The following RBPJ variants were observed in gnomAD, a reference collection of about 807,000 sequenced individuals.
RBPJ encodes the protein recombination signal binding protein for immunoglobulin kappa J region.
In RBPJ, 9 loss-of-function variants were observed where a neutral mutation model predicts 67.8. The observed-to-expected ratio is 0.13, with a 90% CI of 0.08 to 0.23. The LOEUF (loss-of-function observed/expected upper bound fraction) is 0.23. RBPJ is among the 10% of genes least tolerant of loss of function. RBPJ has a pLI of 1.00. For missense variants in RBPJ, 305 were observed against 595.6 expected, an observed-to-expected ratio of 0.51 and a Z score of 5.08; for synonymous variants, 198 against 203.3, an observed-to-expected ratio of 0.97 and a Z score of 0.22.
intron 1 of RBPJ, among the ~76,000 whole-genome samples, chr4:26,281,276 G>C (rs533749337): frequency 7.2e-5 from 11 of 152,030 alleles, no homozygotes; most frequent in Non-Finnish European, 1.0e-4. Context: ...CAGTTTTTTT[G>C]TTTGTTTGTT....
chr4:26,390,477 T>C (rs1731387946), intron 2 of RBPJ, among the ~76,000 whole-genome samples: 2 of 152,206 alleles, frequency 1.3e-5, no homozygotes, highest in South Asian at 4.1e-4. Flanking sequence ...GATATCATGA[T>C]CATATGTATA....
intron 3 of RBPJ, among the ~76,000 whole-genome samples, chr4:26,412,766 C>T (rs1734173676): frequency 6.6e-6 from 1 of 152,120 alleles, no homozygotes; most frequent in South Asian, 2.1e-4. Context: ...AAATTGATGC[C>T]TTCTCAACCT....
chr4:26,340,686 C>T lies in RBPJ; in HGVS notation c.20+19638C>T, dbSNP rs548542860. On this transcript the variant is annotated intron_variant, in intron 1 of 10. Transcript: ENST00000355476. Reference sequence around the variant, plus strand: ...CATCTTGGCCAACATGGTGAAACCCCGTCTCTACTAAAAATATAATAAATT... The same window carrying T: ...CATCTTGGCCAACATGGTGAAACCCTGTCTCTACTAAAAATATAATAAATT... 3.5e-3 allele frequency among the ~76,000 whole-genome samples: 534 copies of T among 151,878 alleles called. 1 individual carries two copies. Among genetic ancestry groups the T allele is most frequent in the Non-Finnish European group, 6.0e-3 (406 of 67,946 alleles).
chr4:26,389,895 A>G (rs1242098392), intron 2 of RBPJ, among the ~76,000 whole-genome samples: 1 of 152,050 alleles, frequency 6.6e-6, no homozygotes, highest in Non-Finnish European at 1.5e-5. Flanking sequence ...TTCCATACAT[A>G]CTCTTTCAGA....
At chr4:26,359,885 G>A (rs1286965490) in intron 1 of RBPJ, 1 of 152,190 alleles carries the variant, frequency 6.6e-6, no homozygotes, top group Non-Finnish European at 1.5e-5. Context: ...CTTTCCTGAA[G>A]TTTATGCTTT....
intron 1 of RBPJ, among the ~76,000 whole-genome samples, chr4:26,168,717 G>A (rs1197979065): frequency 2.0e-5 from 3 of 152,190 alleles, no homozygotes; most frequent in African/African-American, 2.4e-5. Flanking sequence ...CCAATCAGAC[G>A]CAGATTTGGT....
intron 1 of RBPJ, among the ~76,000 whole-genome samples, chr4:26,333,877 A>G (rs1217923527): frequency 3.3e-5 from 5 of 151,906 alleles, no homozygotes; most frequent in Non-Finnish European, 7.4e-5. Flanking sequence ...TATTGTAGAG[A>G]CAGGGTCTCC....
the RBPJ span, among the ~76,000 whole-genome samples, chr4:26,150,756 C>T: frequency 1.3e-5 from 2 of 152,196 alleles, no homozygotes; most frequent in Non-Finnish European, 2.9e-5. Context: ...AGCAGGAGCA[C>T]ATACCCCGGT....
At chr4:26,214,542 A>AGGGAAGGAGGAAGGGGGGGG in intron 1 of RBPJ, among the ~76,000 whole-genome samples, 1 of 7,684 alleles carries the variant, frequency 1.3e-4, no homozygotes, top group Non-Finnish European at 2.2e-4. Flanking sequence ...GAAGGGAGGG[A>AGGGAAGGAGGAAGGGGGGGG]GGGAGGGAGG....
chr4:26,223,696 A>G (rs1718990010), intron 1 of RBPJ, among the ~76,000 whole-genome samples: 1 of 152,212 alleles, frequency 6.6e-6, no homozygotes, highest in Non-Finnish European at 1.5e-5. Flanking sequence ...AGGCATAGTC[A>G]GTAGAAGTCT....
In RBPJ at chr4:26,434,889, G is replaced by A. The variant is rs1736535147; in HGVS notation, c.*3882G>A. 6.6e-6 allele frequency: 1 copy of A among 152,178 alleles called. No individual in the cohort carries two copies. Among genetic ancestry groups the A allele is most frequent in the Non-Finnish European group, 1.5e-5 (1 of 68,038 alleles). The allele number at this position is 152,178 out of a possible 1,614,324, so 9.4% of individuals were successfully genotyped here. ...AACTTGCAATACGAGCAGTTTCAAG[G>A]AATAAATAAAAAGGAAATGTAAACC... On this transcript the variant is annotated 3_prime_UTR_variant, in exon 11 of 11. Transcript: ENST00000355476.
chr4:26,372,919 G>C (rs1230422924), intron 1 of RBPJ, among the ~76,000 whole-genome samples: 1 of 152,122 alleles, frequency 6.6e-6, no homozygotes. Flanking sequence ...CTAGCTGGTG[G>C]GCCTGCTCTT....
At chr4:26,389,086 A>G (rs931709041) in intron 2 of RBPJ, among the ~76,000 whole-genome samples, 22 of 151,960 alleles carry the variant, frequency 1.4e-4, no homozygotes, top group African/African-American at 5.3e-4. Flanking sequence ...AAAGTTAGCC[A>G]GGAGTTGTGG....
At chr4:26,145,972 C>G in the RBPJ span, among the ~76,000 whole-genome samples, 1 of 152,292 alleles carries the variant, frequency 6.6e-6, no homozygotes, top group South Asian at 2.1e-4. Context: ...GGATCTCACT[C>G]TGCCACCCAG....
upstream of RBPJ, chr4:26,320,950 A>C: frequency 7.1e-7 from 1 of 1,402,046 alleles, no homozygotes; most frequent in Non-Finnish European, 9.7e-7. Flanking sequence ...GAAAAAGGGA[A>C]GGGGCGGGGG....
intron 3 of RBPJ, among the ~76,000 whole-genome samples, chr4:26,415,125 T>G (rs781776938): frequency 2.8e-4 from 43 of 152,208 alleles, no homozygotes; most frequent in Non-Finnish European, 5.6e-4. Flanking sequence ...ATTTTTGTGG[T>G]GGTTTATCGT....
intron 1 of RBPJ, among the ~76,000 whole-genome samples, chr4:26,180,266 C>T (rs1716935160): frequency 6.6e-6 from 1 of 151,408 alleles, no homozygotes; most frequent in Admixed American, 6.6e-5. Context: ...ATATAACAAA[C>T]CCCTGTGACA....
intron 1 of RBPJ, among the ~76,000 whole-genome samples, chr4:26,269,548 G>A (rs572711719): frequency 2.2e-4 from 33 of 152,216 alleles, no homozygotes; most frequent in Non-Finnish European, 3.8e-4. Context: ...GAGCCACCTC[G>A]CCAGGCGTCA....
chr4:26,159,370 T>A (rs1716036958), upstream of RBPJ, among the ~76,000 whole-genome samples: 1 of 152,124 alleles, frequency 6.6e-6, no homozygotes, highest in Non-Finnish European at 1.5e-5. Context: ...CCAAGAAGAA[T>A]GGAGGAGAAG....
Sources: gnomAD v4.1 joint callset for allele counts (sites outside exome capture counted in the v4.1 genomes callset) on GRCh38, gnomAD v4.1.1 for gene constraint, MANE v1.5 for transcripts, NCBI Gene and HGNC (gene_info 2026-07-23, HGNC 2026-07-21) for gene names.